The following PDXDC1 variants were observed in gnomAD, a reference collection of about 807,000 sequenced individuals.
The protein encoded by PDXDC1 is pyridoxal-dependent decarboxylase domain-containing protein 1.
Under a neutral mutation model 100.1 loss-of-function variants are expected in PDXDC1, and 42 were observed. That is an observed-to-expected ratio of 0.42 (90% CI 0.33 to 0.54). The LOEUF (loss-of-function observed/expected upper bound fraction) is 0.54, where lower values mean the gene tolerates loss of function less well. Among genes scored for constraint, PDXDC1 ranks in the 20% least tolerant of loss-of-function variants. The pLI is 0.10. For missense variants in PDXDC1, 636 were observed against 979.2 expected, an observed-to-expected ratio of 0.65 and a Z score of 4.68; for synonymous variants, 260 against 371.7, an observed-to-expected ratio of 0.70 and a Z score of 3.46.
intron 1 of PDXDC1, among the ~76,000 whole-genome samples, chr16:14,994,918 C>T (rs1249556068): frequency 6.6e-6 from 1 of 152,296 alleles, no homozygotes; most frequent in Non-Finnish European, 1.5e-5. Flanking sequence ...AATGGGAGTT[C>T]ACTCATGATT....
chr16:15,084,952 T>C (rs1432254262), intron 16 of PDXDC1, among the ~76,000 whole-genome samples: 1 of 151,808 alleles, frequency 6.6e-6, no homozygotes, highest in Non-Finnish European at 1.5e-5. Context: ...TGTAGTCCCA[T>C]CTACTCAGGA....
intron 16 of PDXDC1, among the ~76,000 whole-genome samples, chr16:15,093,667 A>G (rs1377585037): frequency 6.6e-6 from 1 of 152,270 alleles, no homozygotes; most frequent in Non-Finnish European, 1.5e-5. Context: ...TTAAACGCCA[A>G]GAGTGCTACG....
intron 16 of PDXDC1, among the ~76,000 whole-genome samples, chr16:15,050,674 G>A (rs1437724623): frequency 6.6e-6 from 1 of 151,850 alleles, no homozygotes; most frequent in Non-Finnish European, 1.5e-5. Flanking sequence ...GGAGGCTGCA[G>A]CGAGCCATGA....
chr16:15,052,377 C>A (rs1228820362), intron 16 of PDXDC1, among the ~76,000 whole-genome samples: 1 of 152,182 alleles, frequency 6.6e-6, no homozygotes, highest in Admixed American at 6.5e-5. Context: ...GGGTCCGGCC[C>A]ATGAGCTGTG....
chr16:15,111,471 A>AAC (rs1231445649), intron 16 of PDXDC1, among the ~76,000 whole-genome samples: 1 of 147,006 alleles, frequency 6.8e-6, no homozygotes, highest in African/African-American at 2.5e-5. Flanking sequence ...AAAAAAAAAA[A>AAC]AAAATAGGCC....
chr16:15,024,389 AC>A (rs1326819237), intron 13 of PDXDC1, among the ~76,000 whole-genome samples: 2 of 123,002 alleles, frequency 1.6e-5, no homozygotes, highest in African/African-American at 3.1e-5. Flanking sequence ...ACTGTTTCCC[AC>A]CCCCCGTCCC....
intron 16 of PDXDC1, chr16:15,061,935 A>T (rs772709095): frequency 6.3e-7 from 1 of 1,591,196 alleles, no homozygotes; most frequent in South Asian, 1.1e-5. Flanking sequence ...CATCAGTAAC[A>T]TCACCAGTGC....
At chr16:15,085,686 A>G in intron 16 of PDXDC1, 2 of 1,613,568 alleles carry the variant, frequency 1.2e-6, no homozygotes, top group East Asian at 4.5e-5. Flanking sequence ...GCCTTCCTTA[A>G]TGATCACTCG....
chr16:15,135,630 G>A (rs2048312170), intron 16 of PDXDC1: 12 of 1,564,610 alleles, frequency 7.7e-6, no homozygotes, highest in African/African-American at 1.3e-5. Flanking sequence ...CATGGAGGAC[G>A]GCCCTGCCAC....
At chr16:15,040,070 T>C (rs199560388), downstream of PDXDC1, 87 of 1,546,744 alleles carry the variant, frequency 5.6e-5, 1 homozygote, top group Admixed American at 5.1e-5. Context: ...TTGACAGCTG[T>C]GAGGGACAAC....
chr16:15,035,179 A>G (rs2043331613), intron 21 of PDXDC1, among the ~76,000 whole-genome samples: 1 of 152,084 alleles, frequency 6.6e-6, no homozygotes, highest in South Asian at 2.1e-4. Context: ...AAAGGCACCC[A>G]CTTCTTGTGG....
chr16:15,085,532 G>T, intron 16 of PDXDC1: 1 of 1,501,070 alleles, frequency 6.7e-7, no homozygotes, highest in Non-Finnish European at 9.1e-7. Context: ...TGCCCAGGCT[G>T]GTCTCAAACT....
At chr16:15,132,381 A>G (rs1240021410) in intron 16 of PDXDC1, among the ~76,000 whole-genome samples, 3 of 32,494 alleles carry the variant, frequency 9.2e-5, no homozygotes, top group African/African-American at 1.3e-4. Context: ...AGGGAGGGGG[A>G]GGGGAGGGGT....
intron 1 of PDXDC1, among the ~76,000 whole-genome samples, chr16:14,991,255 A>G (rs1334650697): frequency 6.6e-6 from 1 of 151,410 alleles, no homozygotes; most frequent in Non-Finnish European, 1.5e-5. Context: ...TGTATTATAT[A>G]TGTATATAGA....
At chr16:15,069,353 G>A (rs1388439192) in intron 16 of PDXDC1, among the ~76,000 whole-genome samples, 2 of 152,070 alleles carry the variant, frequency 1.3e-5, no homozygotes, top group Admixed American at 6.6e-5. Context: ...CAGAGACCCC[G>A]GTTTAGAGGA....
At chr16:15,048,109 TA>T (rs529569319) in intron 16 of PDXDC1, 9,136 of 1,381,092 alleles carry the variant, frequency 6.6e-3, no homozygotes, top group Non-Finnish European at 7.7e-3. Flanking sequence ...CCTGTTTAAT[TA>T]AAAAAAAAAT....
intron 16 of PDXDC1, chr16:15,056,066 T>G (rs1439952669): frequency 2.6e-6 from 1 of 386,560 alleles, no homozygotes; most frequent in Non-Finnish European, 3.6e-6. Context: ...GGGCCGCGCG[T>G]CCCGCCTCGT....
intron 16 of PDXDC1, chr16:15,121,991 A>T (rs2047443979): frequency 3.8e-6 from 1 of 261,616 alleles, no homozygotes; most frequent in East Asian, 1.3e-4. Flanking sequence ...AAATACAAAA[A>T]TTAGCCAGGC....
At chr16:15,097,820 T>C (rs2046409896) in intron 16 of PDXDC1, among the ~76,000 whole-genome samples, 1 of 152,166 alleles carries the variant, frequency 6.6e-6, no homozygotes, top group Admixed American at 6.6e-5. Flanking sequence ...TAGTTTTCTT[T>C]GAATAATTAT....
Sources: allele counts gnomAD v4.1 joint callset (sites outside exome capture counted in the v4.1 genomes callset), GRCh38; gene constraint gnomAD v4.1.1; transcripts MANE v1.5; gene names NCBI Gene and HGNC (gene_info 2026-07-23, HGNC 2026-07-21).